The following RNGTT variants were observed in gnomAD, a reference collection of about 807,000 sequenced individuals.
RNGTT encodes RNA guanylyltransferase and 5'-phosphatase.
RNGTT carries 33 observed loss-of-function variants against 79.3 expected under a neutral mutation model. That is an observed-to-expected ratio of 0.42 (90% CI 0.32 to 0.56). The LOEUF is 0.56. Ranked by LOEUF, RNGTT falls within the 20% of genes least tolerant of loss-of-function variation. The pLI is 0.17. For missense variants in RNGTT, 497 were observed against 739.1 expected (o/e 0.67, Z 3.80); for synonymous variants, 222 against 235.9 (o/e 0.94, Z 0.54).
chr6:88,691,712 T>C (rs1775489256), intron 13 of RNGTT, among the ~76,000 whole-genome samples: 1 of 152,224 alleles, frequency 6.6e-6, no homozygotes, highest in African/African-American at 2.4e-5. Context: ...GCTGTATATT[T>C]ATGTTTTATG....
chr6:88,760,677 T>C (rs1044429784), intron 13 of RNGTT, among the ~76,000 whole-genome samples: 19 of 152,198 alleles, frequency 1.2e-4, no homozygotes, highest in Non-Finnish European at 1.8e-4. Context: ...AATGAAAGAA[T>C]TAAACATTTC....
At chr6:88,935,314 T>C (rs79448726) in intron 2 of RNGTT, among the ~76,000 whole-genome samples, 1 of 152,210 alleles carries the variant, frequency 6.6e-6, no homozygotes, top group East Asian at 1.9e-4. Flanking sequence ...CTGTTTTGGT[T>C]ACTATAGCCT....
intron 11 of RNGTT, 38 bp from the exon 12 acceptor site, chr6:88,801,670 AT>A (rs753265745): frequency 7.5e-7 from 1 of 1,325,726 alleles, no homozygotes; most frequent in Admixed American, 1.7e-5. Flanking sequence ...TAAAAATATA[AT>A]AATCACTTTA....
intron 6 of RNGTT, among the ~76,000 whole-genome samples, chr6:88,893,948 A>C (rs1261124792): frequency 2.6e-5 from 4 of 152,104 alleles, no homozygotes; most frequent in African/African-American, 9.6e-5. Flanking sequence ...TATAACTCCA[A>C]GAAAGACCAC....
intron 11 of RNGTT, among the ~76,000 whole-genome samples, chr6:88,835,539 C>T (rs1316520309): frequency 6.6e-6 from 1 of 152,164 alleles, no homozygotes; most frequent in Non-Finnish European, 1.5e-5. Context: ...TATCACTCCA[C>T]AAATGAGCAA....
At chr6:88,637,138 T>A (rs1773129620) in intron 14 of RNGTT, among the ~76,000 whole-genome samples, 1 of 152,044 alleles carries the variant, frequency 6.6e-6, no homozygotes, top group African/African-American at 2.4e-5. Flanking sequence ...TTAGTTTGCT[T>A]TCCTGTTATT....
rs141803116 is a variant in RNGTT, at chr6:88,790,683, C to A, written c.1338+10881G>T. On this transcript the variant is annotated intron_variant, in intron 12 of 15. Coordinates refer to ENST00000369485, the MANE Select transcript of RNGTT (RefSeq NM_003800.5). The stretch of plus-strand genomic sequence containing the variant: ...ATTATTTTTAAAATGCAGATTACCT[C>A]TAATATACTATATTACTTTTCTCAT... Among the ~76,000 whole-genome samples the A allele has an allele frequency of 2.0e-3, 311 of 152,260 alleles. 2 individuals carry two copies. Among genetic ancestry groups the A allele is most frequent in the African/African-American group, 7.3e-3 (304 of 41,532 alleles).
rs534809079 is a variant in RNGTT, at chr6:88,790,091, A to G, written c.1338+11473T>C. Reference sequence around the variant, plus strand: ...ACAAAAATAGGAGACTGACAATAGCAGAAAAAAACCCATAGCAATGTAATT... The same window carrying G: ...ACAAAAATAGGAGACTGACAATAGCGGAAAAAAACCCATAGCAATGTAATT... On this transcript the variant is annotated intron_variant, in intron 12 of 15. Coordinates refer to ENST00000369485, the MANE Select transcript of RNGTT (RefSeq NM_003800.5). Among the ~76,000 whole-genome samples, 6 of 152,382 alleles carry G rather than the reference A, an allele frequency of 3.9e-5. No individual in the cohort carries two copies. The South Asian group carries it at 1.2e-3, about 32-fold the overall frequency.
At chr6:88,912,694 A>G (rs577826245) in intron 4 of RNGTT, among the ~76,000 whole-genome samples, 10 of 152,176 alleles carry the variant, frequency 6.6e-5, no homozygotes, top group Non-Finnish European at 1.3e-4. Flanking sequence ...ACAATCTGAA[A>G]TGACAAAGGT....
chr6:88,865,916 T>C (rs1226803679), intron 8 of RNGTT, among the ~76,000 whole-genome samples: 1 of 152,134 alleles, frequency 6.6e-6, no homozygotes, highest in Non-Finnish European at 1.5e-5. Context: ...TAAAGATTAG[T>C]AAAATGATAA....
At chr6:88,896,161 C>T (rs1783240132) in intron 6 of RNGTT, among the ~76,000 whole-genome samples, 1 of 152,186 alleles carries the variant, frequency 6.6e-6, no homozygotes, top group East Asian at 1.9e-4. Context: ...ACACTAATTC[C>T]TTTCAGCTAT....
chr6:88,839,092 A>T (rs1000897608), intron 11 of RNGTT, among the ~76,000 whole-genome samples: 2 of 152,030 alleles, frequency 1.3e-5, no homozygotes, highest in Admixed American at 1.3e-4. Context: ...ACTAAAAATA[A>T]CCCAAATGTC....
intron 8 of RNGTT, among the ~76,000 whole-genome samples, chr6:88,879,858 T>C (rs900368905): frequency 2.0e-5 from 3 of 152,218 alleles, no homozygotes; most frequent in African/African-American, 7.2e-5. Flanking sequence ...TGTCAAACTA[T>C]GATCCAAAAG....
rs1183164016 is a variant in RNGTT at position 88,680,849 on chromosome 6, A to C, written c.1440-2430T>G. Among the ~76,000 whole-genome samples the C allele has an allele frequency of 2.6e-5, 4 of 152,110 alleles. 1 individual carries two copies. The highest frequency in any genetic ancestry group is 2.6e-4 in the Admixed American group (4 of 15,274). ...GCCAACTTAGCAAAAAGTTTTTCTT[A>C]CATTTGGAATGTAAGTGATGACATC... is the stretch of plus-strand genomic sequence containing the variant. On this transcript the variant is annotated intron_variant, in intron 13 of 15. Coordinates refer to ENST00000369485, the MANE Select transcript of RNGTT (RefSeq NM_003800.5).
At chr6:88,830,566 T>A (rs1780824703) in intron 11 of RNGTT, among the ~76,000 whole-genome samples, 1 of 146,678 alleles carries the variant, frequency 6.8e-6, no homozygotes, top group African/African-American at 2.5e-5. Context: ...AGACAAGAAG[T>A]AACTAAGACC....
intron 13 of RNGTT, among the ~76,000 whole-genome samples, chr6:88,700,905 A>G (rs1775922804): frequency 6.6e-6 from 1 of 152,136 alleles, no homozygotes; most frequent in Non-Finnish European, 1.5e-5. Context: ...GCATTAAAAA[A>G]CCATGGTATA....
At chr6:88,857,873 T>C (rs1781889981) in intron 8 of RNGTT, among the ~76,000 whole-genome samples, 1 of 152,136 alleles carries the variant, frequency 6.6e-6, no homozygotes, top group Non-Finnish European at 1.5e-5. Context: ...TCAAAATTTT[T>C]AGAAATAAAC....
chr6:88,751,713 A>G (rs1777845994), intron 13 of RNGTT, among the ~76,000 whole-genome samples: 1 of 152,100 alleles, frequency 6.6e-6, no homozygotes, highest in South Asian at 2.1e-4. Context: ...TAGTGTTTAT[A>G]TTAGGCAATG....
intron 13 of RNGTT, among the ~76,000 whole-genome samples, chr6:88,747,390 A>C (rs1271530417): frequency 6.6e-6 from 1 of 152,208 alleles, no homozygotes; most frequent in Admixed American, 6.5e-5. Context: ...TGTCAGCTCA[A>C]TATACCACTT....
Sources: gnomAD v4.1 joint callset for allele counts (sites outside exome capture counted in the v4.1 genomes callset) on GRCh38, gnomAD v4.1.1 for gene constraint, MANE v1.5 for transcripts, NCBI Gene and HGNC (gene_info 2026-07-23, HGNC 2026-07-21) for gene names.